Variants in UBA3 observed in about 807,000 individuals in gnomAD.
UBA3 encodes the protein ubiquitin like modifier activating enzyme 3.
UBA3 carries 26 observed loss-of-function variants against 73.5 expected under a neutral mutation model. The ratio of observed to expected loss-of-function variants is 0.35; its 90% CI spans 0.26 to 0.49. The LOEUF (loss-of-function observed/expected upper bound fraction) is 0.49. UBA3 is among the 20% of genes least tolerant of loss of function. The probability of loss-of-function intolerance (pLI) is 0.98; values close to 1 mark genes in which losing one functional copy is unlikely to be tolerated. For missense variants in UBA3, 495 were observed against 555.6 expected (o/e 0.89, Z 1.10); for synonymous variants, 217 against 191.2 (o/e 1.13, Z -1.11).
At chr3:69,069,483 C>T (rs1373515065) in intron 5 of UBA3, among the ~76,000 whole-genome samples, 6 of 152,040 alleles carry the variant, frequency 3.9e-5, no homozygotes, top group African/African-American at 9.7e-5. Flanking sequence ...TGAGTCACTA[C>T]GCCTGGCTAA....
At chr3:69,079,917 C>T in intron 2 of UBA3, 195 bp downstream of exon 2, 3 of 551,288 alleles carry the variant, frequency 5.4e-6, no homozygotes, top group South Asian at 4.6e-5. Context: ...CCGACGCCCG[C>T]ACCGGGCAGA....
At position 69,063,976 on chromosome 3, in the gene UBA3, A is replaced by G. The variant is rs542911917; in HGVS notation, c.472+92T>C. 4.3e-5 allele frequency: 47 copies of G among 1,091,830 alleles called. No individual in the cohort carries two copies. The South Asian group carries it at 6.4e-4, about 15-fold the overall frequency. The allele number at this position is 1,091,830 out of a possible 1,614,324, so 67.6% of individuals were successfully genotyped here. A position where few individuals can be genotyped will look rare whatever the true frequency, so the allele number is the denominator to read the frequency against. On this transcript the variant is annotated intron_variant, in intron 7 of 17. Transcript: ENST00000361055. ...AGTGAGAGAGGAAAGCAAGTGAAGA[A>G]ATAGCCTTGAAATAGCTAGCAATAT...
At chr3:69,065,323 AGTAAGT>A (rs2092060532) in intron 6 of UBA3, among the ~76,000 whole-genome samples, 1 of 151,782 alleles carries the variant, frequency 6.6e-6, no homozygotes, top group Non-Finnish European at 1.5e-5. Context: ...ATAGATTCGC[AGTAAGT>A]TGCACAGATA....
At chr3:69,063,633 T>C (rs776304740) in intron 7 of UBA3, 130 bp from the exon 8 acceptor site, 14 of 776,988 alleles carry the variant, frequency 1.8e-5, no homozygotes, top group Non-Finnish European at 2.5e-5. Context: ...GGTAGTGTGT[T>C]TGTGGGAACA....
intron 5 of UBA3, among the ~76,000 whole-genome samples, chr3:69,070,012 T>G (rs1459552665): frequency 1.3e-5 from 2 of 152,164 alleles, no homozygotes; most frequent in Non-Finnish European, 2.9e-5. Flanking sequence ...TATTTAACCT[T>G]GAACACAAGA....
chr3:69,059,242 G>C (rs891266592), intron 11 of UBA3, among the ~76,000 whole-genome samples: 1 of 152,152 alleles, frequency 6.6e-6, no homozygotes, highest in African/African-American at 2.4e-5. Context: ...GTCAGGGAAG[G>C]CCTCCTTGGA....
Position 69,056,404 on chromosome 3 carries a change from T to G in UBA3, c.1084-121A>C, listed in dbSNP as rs967830977. ...ATGCATATTTCCTATAAAAAAATTT[T>G]TATGCTTTAAAGCCTGCTTTTCATA... On this transcript the variant is annotated intron_variant, in intron 14 of 17. Transcript: ENST00000361055. 44 of 968,192 alleles carry G rather than the reference T, an allele frequency of 4.5e-5. No individual in the cohort carries two copies. The South Asian group carries it at 5.0e-4, about 11-fold the overall frequency. The allele number at this position is 968,192 out of a possible 1,614,324, so 60.0% of individuals were successfully genotyped here.
intron 2 of UBA3, 23 bp downstream of exon 2, chr3:69,080,089 C>T (rs1380998143): frequency 6.2e-7 from 1 of 1,606,430 alleles, no homozygotes; most frequent in East Asian, 2.3e-5. Flanking sequence ...CGGAGAGGGC[C>T]CCGGCCTCCC....
chr3:69,062,891 T>C, intron 9 of UBA3, 91 bp downstream of exon 9: 2 of 1,472,120 alleles, frequency 1.4e-6, no homozygotes, highest in South Asian at 2.8e-5. Context: ...CACTTCTAAT[T>C]AACAATCCTA....
At chr3:69,064,240 A>C in intron 6 of UBA3, 129 bp from the exon 7 acceptor site, 1 of 718,628 alleles carries the variant, frequency 1.4e-6, no homozygotes, top group Non-Finnish European at 2.2e-6. Flanking sequence ...CATCAGTGGA[A>C]TTCAAGGAAT....
At chr3:69,057,098 C>T (rs1426210026) in intron 12 of UBA3, among the ~76,000 whole-genome samples, 158 bp downstream of exon 12, 1 of 152,060 alleles carries the variant, frequency 6.6e-6, no homozygotes, top group Non-Finnish European at 1.5e-5. Context: ...TAATGTAAGA[C>T]AAAAAATATG....
Position 69,077,810 on chromosome 3 carries a change from T to C in UBA3, c.171A>G (p.Glu57=). Residue 57 remains glutamate (E), a synonymous_variant, in exon 3 of 18, where the codon GAA becomes GAG. Coordinates refer to ENST00000361055, the MANE Select transcript of UBA3 (RefSeq NM_003968.4). ...AAACGTTTCTCACTTCAGTGCTCGG[T>C]TCGAAATCAGGGTGTGTGAAGGGTC... The part of the protein sequence containing the change: ...RSGPFTHPDF[E]PSTESLQFLL... 1 of 1,613,184 alleles carries C rather than the reference T, an allele frequency of 6.2e-7. No homozygotes were observed. The highest frequency in any genetic ancestry group is 8.5e-7 in the Non-Finnish European group (1 of 1,179,454).
In UBA3 at chr3:69,055,421, T is replaced by A; in HGVS notation, c.*16A>T. The A allele has an allele frequency of 6.8e-7, 1 of 1,460,906 alleles. No homozygotes were observed. The highest frequency in any genetic ancestry group is 9.1e-7 in the Non-Finnish European group (1 of 1,102,496). 90.5% of individuals were successfully genotyped at this position (1,460,906 alleles called of 1,614,324 possible). A position where few individuals can be genotyped will look rare whatever the true frequency, so the allele number is the denominator to read the frequency against. The stretch of plus-strand genomic sequence containing the variant: ...TATATTATTTCCATGAGTTTTCTAT[T>A]ATGTGGAGATTTTCCTTAAGAAGTA... On this transcript the variant is annotated 3_prime_UTR_variant, in exon 18 of 18. Coordinates refer to ENST00000361055, the MANE Select transcript of UBA3 (RefSeq NM_003968.4).
chr3:69,071,760 C>A (rs1054040637), intron 4 of UBA3, 143 bp from the exon 5 acceptor site: 1 of 541,436 alleles, frequency 1.8e-6, no homozygotes. Flanking sequence ...AAGACTCTTG[C>A]AAGGTATATA....
At chr3:69,067,366 G>T (rs1010373328) in intron 6 of UBA3, among the ~76,000 whole-genome samples, 2 of 152,058 alleles carry the variant, frequency 1.3e-5, no homozygotes, top group African/African-American at 4.8e-5. Context: ...ACTTTCACAA[G>T]TTCACCGGTA....
intron 4 of UBA3, 200 bp downstream of exon 4, chr3:69,075,230 G>A (rs575012732): frequency 4.5e-6 from 1 of 223,168 alleles, no homozygotes; most frequent in South Asian, 1.8e-4. Flanking sequence ...TAACTTTATA[G>A]CTGAGAGCTT....
rs749108755 is a variant in UBA3, at chr3:69,063,172, G to A, written c.538-35C>T. 22 of 1,608,550 alleles carry A rather than the reference G, an allele frequency of 1.4e-5. No individual in the cohort carries two copies. The South Asian group carries it at 2.0e-4, about 15-fold the overall frequency. Reference sequence around the variant, plus strand: ...CAATTTGAAGGGCTTTAAAGGAGAAGGGGATAAGAATTCAAAAGAAGAAGT... The same window carrying A: ...CAATTTGAAGGGCTTTAAAGGAGAAAGGGATAAGAATTCAAAAGAAGAAGT... On this transcript the variant is annotated intron_variant, in intron 8 of 17. Coordinates refer to ENST00000361055, the MANE Select transcript of UBA3 (RefSeq NM_003968.4).
intron 5 of UBA3, among the ~76,000 whole-genome samples, chr3:69,070,834 C>T (rs541489656): frequency 7.2e-5 from 11 of 152,078 alleles, no homozygotes; most frequent in African/African-American, 2.2e-4. Context: ...TTTGTAGAGA[C>T]GAAATCTCCC....
At chr3:69,065,906 C>G (rs1682891861) in intron 6 of UBA3, among the ~76,000 whole-genome samples, 1 of 151,770 alleles carries the variant, frequency 6.6e-6, no homozygotes, top group African/African-American at 2.4e-5. Flanking sequence ...TTTCGTCATC[C>G]TTTTTAGTAA....
Sources: gnomAD v4.1 joint callset for allele counts (sites outside exome capture counted in the v4.1 genomes callset) on GRCh38, gnomAD v4.1.1 for gene constraint, MANE v1.5 for transcripts, NCBI Gene and HGNC (gene_info 2026-07-23, HGNC 2026-07-21) for gene names.